Variants in SPATA17 observed in about 807,000 individuals in gnomAD.
SPATA17 encodes the protein spermatogenesis-associated protein 17.
A neutral mutation model predicts 62.2 loss-of-function variants in SPATA17; 53 were observed. That is an observed-to-expected ratio of 0.85 (90% CI 0.68 to 1.07). The LOEUF is 1.07. Ranked by LOEUF, SPATA17 falls within the 50% of genes least tolerant of loss-of-function variation. The pLI is 0.00. For missense variants in SPATA17, 466 were observed against 425.5 expected, an observed-to-expected ratio of 1.10 and a Z score of -0.84; for synonymous variants, 146 against 146.8, an observed-to-expected ratio of 0.99 and a Z score of 0.04.
chr1:217,696,830 A>G (rs1452209422), intron 5 of SPATA17, among the ~76,000 whole-genome samples: 2 of 152,130 alleles, frequency 1.3e-5, no homozygotes, highest in African/African-American at 4.8e-5. Context: ...ATGAGATGCT[A>G]CTGATCTAGA....
chr1:217,671,083 A>T (rs2102898153), intron 4 of SPATA17, among the ~76,000 whole-genome samples: 1 of 152,274 alleles, frequency 6.6e-6, no homozygotes, highest in South Asian at 2.1e-4. Context: ...TTAGATATAT[A>T]TGGGGATGCC....
Position 217,869,978 on chromosome 1 carries a change from C to G in SPATA17, c.*2959C>G, listed in dbSNP as rs1433072867. The G allele has an allele frequency of 1.3e-5, 2 of 152,088 alleles. No homozygotes were observed. The highest frequency in any genetic ancestry group is 4.8e-5 in the African/African-American group (2 of 41,400). The allele number at this position is 152,088 out of a possible 1,614,324, so 9.4% of individuals were successfully genotyped here. ...ATCTGTATATCTGAAAGAAGATGAA[C>G]CAAGACTTGGTTATTGTTAAAGCTG... On this transcript the variant is annotated 3_prime_UTR_variant, in exon 11 of 11. Transcript: ENST00000366933.
At chr1:217,743,892 A>G (rs901329306) in intron 6 of SPATA17, among the ~76,000 whole-genome samples, 3 of 152,024 alleles carry the variant, frequency 2.0e-5, no homozygotes, top group Non-Finnish European at 4.4e-5. Flanking sequence ...TACAGGTGTG[A>G]GCCACCATGC....
intron 9 of SPATA17, among the ~76,000 whole-genome samples, chr1:217,802,115 TG>T (rs1361382286): frequency 1.3e-5 from 2 of 151,914 alleles, no homozygotes; most frequent in Non-Finnish European, 2.9e-5. Flanking sequence ...TATGACCAGG[TG>T]GTCAGGGCTT....
chr1:217,833,855 A>G (rs7515171), intron 9 of SPATA17, among the ~76,000 whole-genome samples: 120,921 of 152,028 alleles, frequency 0.8, 48,543 homozygotes, highest in Admixed American at 0.83. Context: ...TGTTGTAGTA[A>G]CCATTTTGTA....
intron 5 of SPATA17, among the ~76,000 whole-genome samples, chr1:217,738,412 T>C (rs1288281949): frequency 6.6e-6 from 1 of 152,218 alleles, no homozygotes; most frequent in Non-Finnish European, 1.5e-5. Flanking sequence ...ATAAAGCATG[T>C]AGCCTAATAC....
chr1:217,824,393 A>G (rs1674938079), intron 9 of SPATA17, among the ~76,000 whole-genome samples: 1 of 151,726 alleles, frequency 6.6e-6, no homozygotes, highest in Non-Finnish European at 1.5e-5. Flanking sequence ...GGTATAGAAT[A>G]CCAGAATATT....
At chr1:217,640,128 T>G (rs1481819975) in intron 1 of SPATA17, among the ~76,000 whole-genome samples, 2 of 151,398 alleles carry the variant, frequency 1.3e-5, no homozygotes, top group Admixed American at 1.3e-4. Context: ...TCAGTCTATG[T>G]GCAGTTGTGT....
Position 217,870,595 on chromosome 1 carries a change from A to G in SPATA17, c.*3576A>G, listed in dbSNP as rs1207206451. On this transcript the variant is annotated 3_prime_UTR_variant, in exon 11 of 11. Coordinates refer to ENST00000366933, the MANE Select transcript of SPATA17 (RefSeq NM_138796.4). ...CAATATGAGCCACTTAAGAAAATTA[A>G]TGAGACTTTATGTTTGACCAAAGCT... The G allele has an allele frequency of 6.6e-6, 1 of 152,190 alleles. No homozygotes were observed. The highest frequency in any genetic ancestry group is 2.1e-4 in the South Asian group (1 of 4,826). 9.4% of individuals were successfully genotyped at this position (152,190 alleles called of 1,614,324 possible). A position where few individuals can be genotyped will look rare whatever the true frequency, so the allele number is the denominator to read the frequency against.
intron 9 of SPATA17, chr1:217,850,676 C>A: frequency 6.8e-7 from 1 of 1,478,420 alleles, no homozygotes; most frequent in Non-Finnish European, 9.3e-7. Context: ...AATCGCCAGT[C>A]ATGTCCAGCC....
rs144892375 is a variant in SPATA17 at position 217,675,760 on chromosome 1, A to G, written c.291+6677A>G. On this transcript the variant is annotated intron_variant, in intron 4 of 10. Coordinates refer to ENST00000366933, the MANE Select transcript of SPATA17 (RefSeq NM_138796.4). ...TAGGTATCATTAAGATTACAACTTAAAATATGAGGAAAGGGAATCACAGAA... is the reference window on the plus strand; with the variant it reads ...TAGGTATCATTAAGATTACAACTTAGAATATGAGGAAAGGGAATCACAGAA... Among the ~76,000 whole-genome samples, 712 of 152,292 alleles carry G rather than the reference A, an allele frequency of 4.7e-3. 6 individuals are homozygous for G. The highest frequency in any genetic ancestry group is 0.02 in the South Asian group (98 of 4,826).
chr1:217,769,953 C>A (rs1673397035), intron 6 of SPATA17, among the ~76,000 whole-genome samples: 1 of 152,164 alleles, frequency 6.6e-6, no homozygotes, highest in African/African-American at 2.4e-5. Context: ...AACAGCAGGG[C>A]AATTATTTGC....
At chr1:217,747,002 C>A (rs1178450925) in intron 6 of SPATA17, among the ~76,000 whole-genome samples, 2 of 151,912 alleles carry the variant, frequency 1.3e-5, no homozygotes, top group African/African-American at 4.8e-5. Context: ...CCAGAAAATA[C>A]TATTTGTTAT....
At chr1:217,748,638 G>A (rs1231730873) in intron 6 of SPATA17, among the ~76,000 whole-genome samples, 1 of 150,360 alleles carries the variant, frequency 6.7e-6, no homozygotes, top group Non-Finnish European at 1.5e-5. Flanking sequence ...CCATCTACTC[G>A]GAGGCTGAGG....
chr1:217,702,876 T>C (rs976179345), intron 5 of SPATA17, among the ~76,000 whole-genome samples: 4 of 152,124 alleles, frequency 2.6e-5, no homozygotes, highest in African/African-American at 9.7e-5. Flanking sequence ...TTTGAACATA[T>C]TATTTCATTA....
intron 2 of SPATA17, 27 bp from the exon 3 acceptor site, chr1:217,651,070 C>T: frequency 6.6e-7 from 1 of 1,511,702 alleles, no homozygotes; most frequent in Non-Finnish European, 9.1e-7. Flanking sequence ...TGAAAGGATA[C>T]TAATAAGCAT....
chr1:217,850,636 T>C, intron 9 of SPATA17: 1 of 1,587,014 alleles, frequency 6.3e-7, no homozygotes, highest in Non-Finnish European at 8.6e-7. Flanking sequence ...ATCTGCATTT[T>C]GACCTGTTAG....
At chr1:217,683,606 T>A (rs955174188) in intron 5 of SPATA17, among the ~76,000 whole-genome samples, 1 of 151,988 alleles carries the variant, frequency 6.6e-6, no homozygotes, top group Non-Finnish European at 1.5e-5. Flanking sequence ...AGCCGGCTAA[T>A]TTTTTTCTAT....
chr1:217,777,004 T>G (rs1004746886), intron 7 of SPATA17, among the ~76,000 whole-genome samples: 1 of 152,102 alleles, frequency 6.6e-6, no homozygotes, highest in Admixed American at 6.5e-5. Context: ...TATTTTATAT[T>G]CAAGGGCAAA....
Sources: allele counts gnomAD v4.1 joint callset (sites outside exome capture counted in the v4.1 genomes callset), GRCh38; gene constraint gnomAD v4.1.1; transcripts MANE v1.5; gene names NCBI Gene and HGNC (gene_info 2026-07-23, HGNC 2026-07-21).